TMEM101: variants seen among roughly 807,000 people sequenced by gnomAD.
TMEM101 encodes the protein putative NF-kappa-B-activating protein 130.
In TMEM101, 14 loss-of-function variants were observed where a neutral mutation model predicts 26.0. That is an observed-to-expected ratio of 0.54 (90% confidence interval 0.36 to 0.84). TMEM101 has a LOEUF of 0.84. TMEM101 is among the 40% of genes least tolerant of loss of function. TMEM101 has a pLI of 0.01. For synonymous variants in TMEM101, 152 were observed against 145.1 expected, an observed-to-expected ratio of 1.05 and a Z score of -0.34; for missense variants, 292 against 345.1, an observed-to-expected ratio of 0.85 and a Z score of 1.22.
rs1259965425 is a variant in TMEM101 at position 44,011,876 on chromosome 17, A to C, written c.*52T>G. On this transcript the variant is annotated 3_prime_UTR_variant, in exon 4 of 4. Coordinates refer to ENST00000206380, the MANE Select transcript of TMEM101 (RefSeq NM_032376.4). The stretch of plus-strand genomic sequence containing the variant: ...CAGCTGGGCCAGCAAGGAGGAAGGC[A>C]GGGTGACCCTCAGTGGCTCCCTGTG... 6.6e-7 allele frequency: 1 copy of C among 1,518,134 alleles called. No individual in the cohort carries two copies. Among genetic ancestry groups the C allele is most frequent in the Non-Finnish European group, 8.9e-7 (1 of 1,117,848 alleles). The allele number at this position is 1,518,134 out of a possible 1,614,324, so 94.0% of individuals were successfully genotyped here. A position where few individuals can be genotyped will look rare whatever the true frequency, so the allele number is the denominator to read the frequency against.
In TMEM101 at chr17:44,014,686, C is replaced by T; in HGVS notation, c.137+130G>A. The T allele has an allele frequency of 2.0e-6, 3 of 1,497,460 alleles. No homozygotes were observed. The East Asian group carries it at 6.9e-5, about 34-fold the overall frequency. The allele number at this position is 1,497,460 out of a possible 1,614,324, so 92.8% of individuals were successfully genotyped here. A position where few individuals can be genotyped will look rare whatever the true frequency, so the allele number is the denominator to read the frequency against. On this transcript the variant is annotated intron_variant, in intron 1 of 3. Transcript: ENST00000206380. ...GACCGCCCTACCAGATTTGGTCCGACACCCAGACCAGAACCCCTCCCAGGG... is the reference window on the plus strand; with the variant it reads ...GACCGCCCTACCAGATTTGGTCCGATACCCAGACCAGAACCCCTCCCAGGG...
intron 1 of TMEM101, among the ~76,000 whole-genome samples, chr17:44,022,205 T>C (rs766726572): frequency 2.0e-5 from 3 of 152,258 alleles, no homozygotes; most frequent in Non-Finnish European, 4.4e-5. Context: ...CCTTAGCCTT[T>C]GGTAAAACGG....
chr17:44,014,503 C>A lies in TMEM101; in HGVS notation c.172G>T (p.Asp58Tyr). ...PDIPVPYLYF[D>Y]MGAAVLCASF... The stretch of plus-strand genomic sequence containing the variant: ...GCGCACAGCACGGCTGCCCCCATGT[C>A]GAAATACAGGTAAGGCACTGGGATG... Residue 58 changes from aspartate (D) to tyrosine (Y), a missense_variant, in exon 2 of 4, where the codon GAC becomes TAC. By Grantham distance (160) the Asp-to-Tyr change is radical. This residue lies in a region of TMEM101 where 143 missense variants were observed against 133.2 expected (regional missense o/e 1.07). Coordinates refer to ENST00000206380, the MANE Select transcript of TMEM101 (RefSeq NM_032376.4). The A allele has an allele frequency of 6.4e-7, 1 of 1,571,728 alleles. No homozygotes were observed. Among genetic ancestry groups the A allele is most frequent in the South Asian group, 1.2e-5 (1 of 86,012 alleles).
upstream of TMEM101, among the ~76,000 whole-genome samples, chr17:44,018,256 T>C (rs1371978285): frequency 1.3e-5 from 2 of 151,996 alleles, no homozygotes; most frequent in African/African-American, 2.4e-5. Flanking sequence ...CTCGAGGAGT[T>C]TGAGGCTGCA....
At chr17:44,015,013 G>C, upstream of TMEM101, 1 of 1,536,788 alleles carries the variant, frequency 6.5e-7, no homozygotes, top group Non-Finnish European at 8.8e-7. Context: ...GCGGGGATGG[G>C]ACACGCAGCT....
rs2049183656 is a variant in TMEM101 at position 44,013,138 on chromosome 17, G to A, written c.336C>T (p.Arg112=). The change falls in exon 3 of 4, where the codon CGC becomes CGT. Residue 112 remains arginine, a synonymous_variant. Transcript: ENST00000206380. ...GAAAGCCGCCGATGATGGCAACTGT[G>A]CGCGAGTACATACGGACCTAGGCCG... ...GDWLKVRMYS[R]TVAIIGGFLV... 3 of 1,599,214 alleles carry A rather than the reference G, an allele frequency of 1.9e-6. No homozygotes were observed. In the East Asian group the frequency reaches 6.7e-5, roughly 36 times the overall value.
upstream of TMEM101, chr17:44,019,325 C>G: frequency 2.3e-6 from 1 of 431,416 alleles, no homozygotes; most frequent in Non-Finnish European, 4.6e-6. Context: ...CAGACTATGG[C>G]GGATTCACCA....
At chr17:44,014,681 T>G in intron 1 of TMEM101, 135 bp downstream of exon 1, 2 of 1,502,414 alleles carry the variant, frequency 1.3e-6, no homozygotes, top group Non-Finnish European at 1.8e-6. Flanking sequence ...CCAGATTTGG[T>G]CCGACACCCA....
At chr17:44,014,266 G>T in intron 2 of TMEM101, 91 bp downstream of exon 2, 1 of 1,433,190 alleles carries the variant, frequency 7.0e-7, no homozygotes, top group Non-Finnish European at 9.4e-7. Flanking sequence ...CAGCTGGCCA[G>T]CACCATTCAT....
chr17:44,013,858 C>G (rs1369040634), intron 2 of TMEM101, among the ~76,000 whole-genome samples: 1 of 152,210 alleles, frequency 6.6e-6, no homozygotes, highest in African/African-American at 2.4e-5. Context: ...TCTTCCTCCC[C>G]TAAGGGTCTG....
At chr17:44,020,098 AG>A (rs1269007662) in intron 2 of TMEM101, among the ~76,000 whole-genome samples, 1 of 152,176 alleles carries the variant, frequency 6.6e-6, no homozygotes, top group Non-Finnish European at 1.5e-5. Flanking sequence ...TACCGGTGGC[AG>A]GGGAGAATAC....
chr17:44,023,196 CA>C (rs2049302128), upstream of TMEM101: 1 of 163,122 alleles, frequency 6.1e-6, no homozygotes, highest in African/African-American at 2.4e-5. Context: ...GAGCTCCAGT[CA>C]CAAGGGCCCT....
At chr17:44,020,300 G>C (rs1212741743) in intron 2 of TMEM101, among the ~76,000 whole-genome samples, 1 of 152,194 alleles carries the variant, frequency 6.6e-6, no homozygotes, top group Non-Finnish European at 1.5e-5. Context: ...GCCCCCCAGG[G>C]AACAGGAAGA....
rs949740231 is a variant in TMEM101, at chr17:44,011,524, T to C, written c.*404A>G. 1 of 237,698 alleles carries C rather than the reference T, an allele frequency of 4.2e-6. No individual in the cohort carries two copies. The highest frequency in any genetic ancestry group is 8.4e-6 in the Non-Finnish European group (1 of 119,704). The allele number at this position is 237,698 out of a possible 1,614,324, so 14.7% of individuals were successfully genotyped here. On this transcript the variant is annotated 3_prime_UTR_variant, in exon 4 of 4. Transcript: ENST00000206380. ...AGTCTCCAAACAGCACTGCAGAGCC[T>C]AGCTGCATCTGCCAGGTTCAAAGAG...
Position 44,011,817 on chromosome 17 carries a change from TCAAA to T in TMEM101, c.*107_*110del, listed in dbSNP as rs2049160932. The T allele has an allele frequency of 9.8e-6, 12 of 1,229,450 alleles. No individual in the cohort carries two copies. Among genetic ancestry groups the T allele is most frequent in the South Asian group, 4.5e-5 (3 of 67,246 alleles). 76.2% of individuals were successfully genotyped at this position (1,229,450 alleles called of 1,614,324 possible). A position where few individuals can be genotyped will look rare whatever the true frequency, so the allele number is the denominator to read the frequency against. ...AAAACAATTTTAAAAAAGCAAAAGA[TCAAA>T]CAAACAGACCAAAAAGCATAAATAA... On this transcript the variant is annotated 3_prime_UTR_variant, in exon 4 of 4. Transcript: ENST00000206380.
intron 3 of TMEM101, 154 bp downstream of exon 3, chr17:44,012,855 C>T: frequency 1.3e-6 from 1 of 789,778 alleles, no homozygotes; most frequent in South Asian, 3.8e-5. Flanking sequence ...GCCCCTGAGG[C>T]CTAGAAGCTG....
At position 44,012,068 on chromosome 17, in the gene TMEM101, G is replaced by C; in HGVS notation, c.634C>G (p.Pro212Ala). 1.2e-6 allele frequency: 2 copies of C among 1,614,220 alleles called. No homozygotes were observed. Among genetic ancestry groups the C allele is most frequent in the Non-Finnish European group, 1.7e-6 (2 of 1,180,048 alleles). The change falls in exon 4 of 4, where the codon CCC becomes GCC. Residue 212 changes from proline to alanine, a missense_variant. Transcript: ENST00000206380. ...LAAQILAVLL[P>A]PVMLLIDGNV... ...CCATCAATGAGCAGCATGACAGGGG[G>C]CAGCAGTACAGCCAGGATCTGGGCA... is the stretch of plus-strand genomic sequence containing the variant.
chr17:44,012,880 C>A, intron 3 of TMEM101, 129 bp downstream of exon 3: 1 of 1,085,188 alleles, frequency 9.2e-7, no homozygotes, highest in Non-Finnish European at 1.2e-6. Flanking sequence ...GGGCAATTCC[C>A]AGGGAACTGG....
chr17:44,015,083 G>A, upstream of TMEM101: 1 of 1,302,508 alleles, frequency 7.7e-7, no homozygotes, highest in Non-Finnish European at 1.0e-6. Context: ...CTCTAGTTCC[G>A]GATCTAAGGT....
Sources: gnomAD v4.1 joint callset for allele counts (sites outside exome capture counted in the v4.1 genomes callset) on GRCh38, gnomAD v4.1.1 for gene constraint, gnomAD v4.1.1 regional missense constraint, MANE v1.5 for transcripts, NCBI Gene and HGNC (gene_info 2026-07-23, HGNC 2026-07-21) for gene names.